NPAS3: variants seen among roughly 807,000 people sequenced by gnomAD.
NPAS3 encodes the protein neuronal PAS domain-containing protein 3.
Under a neutral mutation model 73.1 loss-of-function variants are expected in NPAS3, and 14 were observed. That is an observed-to-expected ratio of 0.19 (90% CI 0.13 to 0.30). The LOEUF is 0.30. Ranked by LOEUF, NPAS3 falls within the 10% of genes least tolerant of loss-of-function variation. The pLI is 1.00. For synonymous variants in NPAS3, 620 were observed against 541.5 expected, an observed-to-expected ratio of 1.14 and a Z score of -2.01; for missense variants, 1,096 against 1,250.0, an observed-to-expected ratio of 0.88 and a Z score of 1.86.
At chr14:33,489,727 C>T (rs1242870360) in intron 4 of NPAS3, among the ~76,000 whole-genome samples, 1 of 152,108 alleles carries the variant, frequency 6.6e-6, no homozygotes, top group East Asian at 1.9e-4. Context: ...AGAAGAGTAA[C>T]CTCCAGAACA....
intron 1 of NPAS3, among the ~76,000 whole-genome samples, chr14:32,989,491 A>T (rs1310742452): frequency 1.3e-5 from 2 of 152,044 alleles, no homozygotes; most frequent in Non-Finnish European, 2.9e-5. Flanking sequence ...AAAAATACAA[A>T]AAATTAGCCG....
At chr14:33,364,027 A>G (rs1184133159) in intron 3 of NPAS3, among the ~76,000 whole-genome samples, 1 of 152,124 alleles carries the variant, frequency 6.6e-6, no homozygotes, top group East Asian at 1.9e-4. Context: ...ACAAACAAAT[A>G]AATGAAATAT....
chr14:33,654,565 G>A lies in NPAS3; in HGVS notation c.559-21646G>A, dbSNP rs142109421. On this transcript the variant is annotated intron_variant, in intron 5 of 11. Coordinates refer to ENST00000356141, the Ensembl canonical transcript of NPAS3. ...AGGCTCTGCAGCTCTAAGTAAAGAC[G>A]CATTCCAAATAATAAAAGGGCATTT... Among the ~76,000 whole-genome samples the A allele has an allele frequency of 1.8e-4, 27 of 152,154 alleles. 1 individual carries two copies. In the East Asian group the frequency reaches 3.9e-3, roughly 22 times the overall value.
chr14:33,341,741 A>G (rs1476366575), intron 3 of NPAS3, among the ~76,000 whole-genome samples: 3 of 152,158 alleles, frequency 2.0e-5, no homozygotes, highest in Non-Finnish European at 4.4e-5. Flanking sequence ...GGTTCTGTCT[A>G]TGTTGCTCTG....
At chr14:33,457,227 G>A (rs368001306) in intron 4 of NPAS3, among the ~76,000 whole-genome samples, 1 of 152,200 alleles carries the variant, frequency 6.6e-6, no homozygotes, top group African/African-American at 2.4e-5. Context: ...AGTACTAAAT[G>A]GTTCTCCAAG....
At chr14:33,713,686 T>C (rs1433633686) in intron 6 of NPAS3, among the ~76,000 whole-genome samples, 1 of 152,232 alleles carries the variant, frequency 6.6e-6, no homozygotes, top group African/African-American at 2.4e-5. Flanking sequence ...GCAGCCTCCT[T>C]GATTGTGCTC....
chr14:33,706,112 G>A (rs886502541), intron 6 of NPAS3, among the ~76,000 whole-genome samples: 1 of 152,184 alleles, frequency 6.6e-6, no homozygotes, highest in African/African-American at 2.4e-5. Flanking sequence ...CCATGGTTGG[G>A]AGAGCCATCA....
intron 4 of NPAS3, among the ~76,000 whole-genome samples, chr14:33,371,526 A>G (rs1259982029): frequency 6.6e-6 from 1 of 152,182 alleles, no homozygotes. Flanking sequence ...TCAGTATCTC[A>G]TGGTCATGTC....
chr14:33,131,792 G>T (rs895888081), intron 2 of NPAS3, among the ~76,000 whole-genome samples: 4 of 152,150 alleles, frequency 2.6e-5, no homozygotes, highest in African/African-American at 7.2e-5. Flanking sequence ...GGTAAGGAAG[G>T]GGTGTTAAAA....
chr14:33,044,578 A>G (rs950590327), intron 1 of NPAS3, among the ~76,000 whole-genome samples: 9 of 152,078 alleles, frequency 5.9e-5, no homozygotes, highest in African/African-American at 9.7e-5. Context: ...TTAAGCCACA[A>G]ACTTGTGCCA....
At chr14:33,413,491 G>A (rs1395368889) in intron 4 of NPAS3, among the ~76,000 whole-genome samples, 2 of 151,962 alleles carry the variant, frequency 1.3e-5, no homozygotes, top group South Asian at 2.1e-4. Context: ...TCCTGCCTTT[G>A]AATATAAAGG....
intron 3 of NPAS3, among the ~76,000 whole-genome samples, chr14:33,244,126 A>G (rs1365336251): frequency 6.6e-6 from 1 of 150,926 alleles, no homozygotes; most frequent in Non-Finnish European, 1.5e-5. Flanking sequence ...TTTTATTGAT[A>G]TCTACATTTG....
chr14:33,165,027 A>G (rs1566628766), intron 2 of NPAS3, among the ~76,000 whole-genome samples: 1 of 152,152 alleles, frequency 6.6e-6, no homozygotes, highest in East Asian at 1.9e-4. Flanking sequence ...TGTTCTATGA[A>G]AGGTGTAAGA....
chr14:33,587,233 T>C (rs1300023506), intron 5 of NPAS3, among the ~76,000 whole-genome samples: 1 of 152,236 alleles, frequency 6.6e-6, no homozygotes, highest in Non-Finnish European at 1.5e-5. Flanking sequence ...TTGTCTCCTA[T>C]ATAATATAAA....
intron 6 of NPAS3, among the ~76,000 whole-genome samples, chr14:33,686,102 A>ATGAT (rs771514392): frequency 2.6e-5 from 4 of 152,218 alleles, no homozygotes; most frequent in Non-Finnish European, 5.9e-5. Flanking sequence ...GAGCAGCTCA[A>ATGAT]TGATTGCAGG....
intron 4 of NPAS3, among the ~76,000 whole-genome samples, chr14:33,381,244 A>G (rs905720596): frequency 2.0e-5 from 3 of 152,232 alleles, no homozygotes; most frequent in Admixed American, 2.0e-4. Context: ...GTAAAAGCCC[A>G]ATCCAGCATT....
At chr14:33,536,787 AT>A (rs576499087) in intron 4 of NPAS3, among the ~76,000 whole-genome samples, 232 of 152,312 alleles carry the variant, frequency 1.5e-3, no homozygotes, top group African/African-American at 4.3e-3. Context: ...AAGTTTTTCT[AT>A]GTTTACCAAT....
chr14:33,721,774 T>C (rs1038837098), intron 6 of NPAS3, among the ~76,000 whole-genome samples: 7 of 152,190 alleles, frequency 4.6e-5, no homozygotes, highest in African/African-American at 1.7e-4. Flanking sequence ...GGATAAGCAC[T>C]ACGTATATGA....
intron 4 of NPAS3, among the ~76,000 whole-genome samples, chr14:33,471,631 T>A (rs2050785513): frequency 6.6e-6 from 1 of 151,938 alleles, no homozygotes; most frequent in Non-Finnish European, 1.5e-5. Flanking sequence ...AAAACCAGAG[T>A]AGTTGATATC....
Sources: allele counts gnomAD v4.1 joint callset (sites outside exome capture counted in the v4.1 genomes callset), GRCh38; gene constraint gnomAD v4.1.1; transcripts MANE v1.5; gene names NCBI Gene and HGNC (gene_info 2026-07-23, HGNC 2026-07-21).